The following CUL5 variants were observed in gnomAD, a reference collection of about 807,000 sequenced individuals.
CUL5 encodes the protein cullin 5.
CUL5 carries 26 observed loss-of-function variants against 108.8 expected under a neutral mutation model. The ratio of observed to expected loss-of-function variants is 0.24; its 90% CI spans 0.18 to 0.33. CUL5 has a LOEUF of 0.33. CUL5 is among the 10% of genes least tolerant of loss of function. The pLI is 1.00. For synonymous variants in CUL5, 334 were observed against 298.0 expected (o/e 1.12, Z -1.25); for missense variants, 524 against 909.2 (o/e 0.58, Z 5.45).
intron 10 of CUL5, 100 bp downstream of exon 10, chr11:108,073,597 T>G (rs1863878241): frequency 4.0e-6 from 2 of 499,776 alleles, no homozygotes; most frequent in Admixed American, 4.0e-5. Context: ...AATTATAAAC[T>G]TAAAAACCTA....
intron 1 of CUL5, among the ~76,000 whole-genome samples, chr11:108,030,465 C>T (rs1002287552): frequency 6.6e-6 from 1 of 152,132 alleles, no homozygotes; most frequent in African/African-American, 2.4e-5. Flanking sequence ...CAGAGAAACC[C>T]CGTCTCTACA....
intron 18 of CUL5, among the ~76,000 whole-genome samples, chr11:108,103,068 TTAC>T: frequency 6.6e-6 from 1 of 152,304 alleles, no homozygotes; most frequent in African/African-American, 2.4e-5. Context: ...AGTGCTAAGA[TTAC>T]ACACATGAGC....
chr11:108,104,045 C>G, intron 18 of CUL5, 145 bp from the exon 19 acceptor site: 1 of 544,250 alleles, frequency 1.8e-6, no homozygotes, highest in East Asian at 3.3e-5. Flanking sequence ...AGATACTAGT[C>G]TCAACATTAA....
intron 13 of CUL5, among the ~76,000 whole-genome samples, chr11:108,091,079 T>A (rs1246218543): frequency 6.6e-6 from 1 of 152,008 alleles, no homozygotes; most frequent in Non-Finnish European, 1.5e-5. Flanking sequence ...GGAGATGTAG[T>A]CTTGCTGTGT....
At chr11:108,050,881 G>T (rs1239123414) in intron 4 of CUL5, among the ~76,000 whole-genome samples, 5 of 152,168 alleles carry the variant, frequency 3.3e-5, no homozygotes, top group Non-Finnish European at 7.3e-5. Context: ...TTAATGGAAA[G>T]AACTCAGTGC....
At chr11:108,103,506 T>C (rs1266575624) in intron 18 of CUL5, among the ~76,000 whole-genome samples, 1 of 152,142 alleles carries the variant, frequency 6.6e-6, no homozygotes, top group Admixed American at 6.5e-5. Flanking sequence ...GGTAAATATA[T>C]AAAGAGTACT....
chr11:108,051,054 A>G (rs1375177839), intron 4 of CUL5, among the ~76,000 whole-genome samples: 1 of 152,230 alleles, frequency 6.6e-6, no homozygotes, highest in African/African-American at 2.4e-5. Context: ...TGGTTACAGT[A>G]AAACACTCAG....
chr11:108,020,545 T>TG (rs201907478), intron 1 of CUL5, among the ~76,000 whole-genome samples: 1,595 of 148,476 alleles, frequency 0.011, 14 homozygotes, highest in Middle Eastern at 0.017. Flanking sequence ...ATTTTTTTTT[T>TG]TTTGTTTTTT....
At chr11:108,064,471 G>T (rs1863624918) in intron 7 of CUL5, among the ~76,000 whole-genome samples, 1 of 152,152 alleles carries the variant, frequency 6.6e-6, no homozygotes, top group African/African-American at 2.4e-5. Flanking sequence ...ACATTAGGAG[G>T]CCAAGGCAGG....
In CUL5 at chr11:108,031,059, A is replaced by AT. The variant is rs376639125; in HGVS notation, c.25-2740dup. Reference sequence around the variant, plus strand: ...TTCTTAACCTGAGCAATATCAACAGATTTGTATAACTGAAAAATAATCATG... The same window carrying AT: ...TTCTTAACCTGAGCAATATCAACAGATTTTGTATAACTGAAAAATAATCATG... On this transcript the variant is annotated intron_variant, in intron 1 of 18. Coordinates refer to ENST00000393094, the MANE Select transcript of CUL5 (RefSeq NM_003478.6). 2.1e-3 allele frequency among the ~76,000 whole-genome samples: 323 copies of AT among 152,234 alleles called. 2 individuals carry two copies. The highest frequency in any genetic ancestry group is 7.2e-3 in the African/African-American group (301 of 41,532).
intron 2 of CUL5, among the ~76,000 whole-genome samples, chr11:108,034,901 A>G (rs910757079): frequency 1.3e-5 from 2 of 152,206 alleles, no homozygotes; most frequent in African/African-American, 4.8e-5. Flanking sequence ...TGAAATCCTG[A>G]ATTTTTAAAA....
intron 2 of CUL5, among the ~76,000 whole-genome samples, chr11:108,036,505 G>T (rs1862747854): frequency 6.6e-6 from 1 of 152,160 alleles, no homozygotes; most frequent in Non-Finnish European, 1.5e-5. Flanking sequence ...TTGAGACAGA[G>T]TCTTGCTTTG....
At chr11:108,091,044 C>T (rs1048129306) in intron 13 of CUL5, among the ~76,000 whole-genome samples, 3 of 151,770 alleles carry the variant, frequency 2.0e-5, no homozygotes, top group Admixed American at 6.6e-5. Flanking sequence ...AATTTTCTTT[C>T]TTTCTTTCTT....
At chr11:108,082,538 A>G (rs577126157) in intron 11 of CUL5, among the ~76,000 whole-genome samples, 42 of 152,050 alleles carry the variant, frequency 2.8e-4, no homozygotes, top group African/African-American at 9.9e-4. Flanking sequence ...TAGCCCCTCA[A>G]AGTGCTAGGA....
intron 1 of CUL5, among the ~76,000 whole-genome samples, chr11:108,027,524 G>A (rs111742311): frequency 0.13 from 20,084 of 151,620 alleles, 1,423 homozygotes; most frequent in African/African-American, 0.18. Flanking sequence ...CACCCACCCC[G>A]GCCTCCCAAA....
chr11:108,087,503 A>G (rs1213985831), intron 11 of CUL5, among the ~76,000 whole-genome samples: 1 of 152,154 alleles, frequency 6.6e-6, no homozygotes, highest in Non-Finnish European at 1.5e-5. Context: ...TGAAAATACA[A>G]TATACTGCTG....
intron 10 of CUL5, chr11:108,073,845 C>T (rs1350855702): frequency 6.3e-6 from 1 of 159,204 alleles, no homozygotes; most frequent in Non-Finnish European, 1.4e-5. Flanking sequence ...TGATGTCCTG[C>T]CTCCCTCCAC....
At chr11:108,063,755 C>T (rs1182767256) in intron 7 of CUL5, among the ~76,000 whole-genome samples, 1 of 152,036 alleles carries the variant, frequency 6.6e-6, no homozygotes, top group Admixed American at 6.6e-5. Flanking sequence ...ATATAGCCAG[C>T]AGTGGGATTG....
intron 4 of CUL5, among the ~76,000 whole-genome samples, 141 bp from the exon 5 acceptor site, chr11:108,052,494 TCCAGCGATCCACCTGCCTCGGCCTC>T (rs1863255495): frequency 6.6e-6 from 1 of 152,070 alleles, no homozygotes. Context: ...ACTCATAGAC[TCCAGCGATCCACCTGCCTCGGCCTC>T]CCAAATTGTT....
Sources: gnomAD v4.1 joint callset for allele counts (sites outside exome capture counted in the v4.1 genomes callset) on GRCh38, gnomAD v4.1.1 for gene constraint, MANE v1.5 for transcripts, NCBI Gene and HGNC (gene_info 2026-07-23, HGNC 2026-07-21) for gene names.